Variants in RIC1 observed in about 807,000 individuals in gnomAD.
RIC1 encodes guanine nucleotide exchange factor subunit RIC1.
A neutral mutation model predicts 169.0 loss-of-function variants in RIC1; 88 were observed. That is an observed-to-expected ratio of 0.52 (90% CI 0.44 to 0.62). The LOEUF (loss-of-function observed/expected upper bound fraction) is 0.62, where lower values mean the gene tolerates loss of function less well. Ranked by LOEUF, RIC1 falls within the 20% of genes least tolerant of loss-of-function variation. RIC1 has a pLI of 0.00. For synonymous variants in RIC1, 790 were observed against 601.5 expected (o/e 1.31, Z -4.59); for missense variants, 1,877 against 1,725.5 (o/e 1.09, Z -1.56).
At chr9:5,694,972 C>CA (rs1821804186) in intron 3 of RIC1, among the ~76,000 whole-genome samples, 1 of 151,970 alleles carries the variant, frequency 6.6e-6, no homozygotes, top group South Asian at 2.1e-4. Context: ...AACAACAAAA[C>CA]AAAAAGCCCT....
intron 1 of RIC1, among the ~76,000 whole-genome samples, chr9:5,649,582 T>C (rs1818693633): frequency 6.6e-6 from 1 of 152,132 alleles, no homozygotes; most frequent in Admixed American, 6.5e-5. Flanking sequence ...ATATCTTGAA[T>C]TGTTTTTCTG....
chr9:5,659,938 A>T (rs987825071), intron 2 of RIC1, among the ~76,000 whole-genome samples: 4 of 152,080 alleles, frequency 2.6e-5, no homozygotes, highest in Non-Finnish European at 5.9e-5. Flanking sequence ...AGATTATGCC[A>T]TCACCTAGGT....
At chr9:5,710,709 G>A (rs1822879531) in intron 3 of RIC1, among the ~76,000 whole-genome samples, 1 of 152,114 alleles carries the variant, frequency 6.6e-6, no homozygotes, top group Non-Finnish European at 1.5e-5. Context: ...AACAGTTTGA[G>A]GAAATAATTA....
chr9:5,650,898 A>G (rs1048493163), intron 1 of RIC1, among the ~76,000 whole-genome samples: 3 of 152,136 alleles, frequency 2.0e-5, no homozygotes, highest in Admixed American at 1.3e-4. Context: ...GTAGGCCCCC[A>G]GGTGGATGCA....
intron 6 of RIC1, among the ~76,000 whole-genome samples, chr9:5,726,135 C>T (rs893702110): frequency 6.6e-6 from 1 of 152,100 alleles, no homozygotes; most frequent in African/African-American, 2.4e-5. Context: ...TTTGATCTGT[C>T]TAATGTTTAC....
chr9:5,774,562 C>G lies in RIC1; in HGVS notation c.*316C>G, dbSNP rs929064483. 11 of 200,860 alleles carry G rather than the reference C, an allele frequency of 5.5e-5. No individual in the cohort carries two copies. Among genetic ancestry groups the G allele is most frequent in the Non-Finnish European group, 1.0e-4 (10 of 99,800 alleles). The allele number at this position is 200,860 out of a possible 1,614,324, so 12.4% of individuals were successfully genotyped here. A position where few individuals can be genotyped will look rare whatever the true frequency, so the allele number is the denominator to read the frequency against. On this transcript the variant is annotated 3_prime_UTR_variant, in exon 26 of 26. Transcript: ENST00000414202. Reference sequence around the variant, plus strand: ...CAGGAATTGTTTTGCCCCAGGTGAGCTTACTTTTTCACTACTTACATCTTC... The same window carrying G: ...CAGGAATTGTTTTGCCCCAGGTGAGGTTACTTTTTCACTACTTACATCTTC...
At chr9:5,690,108 T>G in intron 3 of RIC1, 70 bp downstream of exon 3, 1 of 1,104,970 alleles carries the variant, frequency 9.1e-7, no homozygotes, top group Non-Finnish European at 1.3e-6. Flanking sequence ...ACATTACAGT[T>G]TTGAGTTGTC....
rs1825851339 is a variant in RIC1 at position 5,753,777 on chromosome 9, G to T, written c.1602+131G>T. 1.9e-5 allele frequency: 9 copies of T among 466,116 alleles called. No homozygotes were observed. The South Asian group carries it at 4.7e-4, about 24-fold the overall frequency. The allele number at this position is 466,116 out of a possible 1,614,324, so 28.9% of individuals were successfully genotyped here. ...AATAAGGAAAATCAGATATAAAAAA[G>T]TGATATTGAATAATATGTAAGATTT... On this transcript the variant is annotated intron_variant, in intron 14 of 25. Coordinates refer to ENST00000414202, the MANE Select transcript of RIC1 (RefSeq NM_020829.4).
chr9:5,773,637 C>CT (rs747347710), intron 25 of RIC1, among the ~76,000 whole-genome samples: 1 of 152,154 alleles, frequency 6.6e-6, no homozygotes, highest in Non-Finnish European at 1.5e-5. Context: ...TAAATGTTGT[C>CT]TGAAGGTCCT....
chr9:5,717,036 G>T (rs1254171854), intron 4 of RIC1, among the ~76,000 whole-genome samples: 1 of 152,106 alleles, frequency 6.6e-6, no homozygotes, highest in Non-Finnish European at 1.5e-5. Context: ...ATCTCTTCCT[G>T]TAGATTATTT....
chr9:5,743,037 A>G (rs1340002503), intron 9 of RIC1, 24 bp downstream of exon 9: 2 of 1,594,506 alleles, frequency 1.3e-6, no homozygotes, highest in Non-Finnish European at 1.7e-6. Context: ...GACAATTTTT[A>G]GATAAAATAA....
intron 1 of RIC1, among the ~76,000 whole-genome samples, chr9:5,647,019 T>C (rs1254167616): frequency 6.6e-6 from 1 of 152,218 alleles, no homozygotes; most frequent in African/African-American, 2.4e-5. Context: ...TTTATTTTTT[T>C]ACATGTGGAT....
intron 1 of RIC1, among the ~76,000 whole-genome samples, chr9:5,640,092 A>T (rs1239746700): frequency 6.6e-6 from 1 of 151,874 alleles, no homozygotes; most frequent in Non-Finnish European, 1.5e-5. Flanking sequence ...ATAAGTAGGG[A>T]CTTCTGCCAT....
Position 5,765,479 on chromosome 9 carries a change from A to G in RIC1, c.2907A>G (p.Gln969=). 6.2e-7 allele frequency: 1 copy of G among 1,614,204 alleles called. No individual in the cohort carries two copies. Among genetic ancestry groups the G allele is most frequent in the Non-Finnish European group, 8.5e-7 (1 of 1,180,004 alleles). ...ATLLFNTALE[Q]GKWDLCRHMI... ...TTCTATTCAACACAGCACTAGAACAAGGCAAGTGGGACCTTTGTCGACACA... is the reference window on the plus strand; with the variant it reads ...TTCTATTCAACACAGCACTAGAACAGGGCAAGTGGGACCTTTGTCGACACA... The change falls in exon 20 of 26, where the codon CAA becomes CAG. Residue 969 remains glutamine, a synonymous_variant. Transcript: ENST00000414202.
At chr9:5,662,098 T>A (rs1779490878) in intron 2 of RIC1, among the ~76,000 whole-genome samples, 1 of 152,248 alleles carries the variant, frequency 6.6e-6, no homozygotes, top group Admixed American at 6.5e-5. Flanking sequence ...TCATGTGGTT[T>A]TTGTGTTCAG....
intron 16 of RIC1, among the ~76,000 whole-genome samples, chr9:5,756,943 A>G (rs1338692057): frequency 1.3e-5 from 2 of 152,198 alleles, no homozygotes; most frequent in East Asian, 3.8e-4. Context: ...ATTTACTGAA[A>G]CAGCACAGTG....
At chr9:5,744,065 T>C (rs1000005469) in intron 10 of RIC1, among the ~76,000 whole-genome samples, 6 of 152,154 alleles carry the variant, frequency 3.9e-5, no homozygotes, top group African/African-American at 1.2e-4. Flanking sequence ...AAAACTATTT[T>C]AGTCTCAGCA....
At chr9:5,772,016 A>T (rs1411758509) in intron 23 of RIC1, among the ~76,000 whole-genome samples, 3 of 152,232 alleles carry the variant, frequency 2.0e-5, no homozygotes, top group South Asian at 4.1e-4. Context: ...ACCATCAAAT[A>T]TCCATTAAGT....
chr9:5,733,862 C>T (rs1824527166), intron 7 of RIC1, among the ~76,000 whole-genome samples: 1 of 151,506 alleles, frequency 6.6e-6, no homozygotes, highest in Non-Finnish European at 1.5e-5. Context: ...TTATGGCTGT[C>T]TCATAAAGCA....
Sources: allele counts gnomAD v4.1 joint callset (sites outside exome capture counted in the v4.1 genomes callset), GRCh38; gene constraint gnomAD v4.1.1; transcripts MANE v1.5; gene names NCBI Gene and HGNC (gene_info 2026-07-23, HGNC 2026-07-21).